TNIK: variants seen among roughly 807,000 people sequenced by gnomAD.
TNIK encodes the protein TRAF2 and NCK interacting kinase.
A neutral mutation model predicts 191.3 loss-of-function variants in TNIK; 49 were observed. The ratio of observed to expected loss-of-function variants is 0.26; its 90% CI spans 0.20 to 0.32. TNIK has a LOEUF of 0.32. Ranked by LOEUF, TNIK falls within the 10% of genes least tolerant of loss-of-function variation. The pLI, the probability that TNIK is intolerant of heterozygous loss-of-function variation, is 1.00. For missense variants in TNIK, 1,155 were observed against 1,702.3 expected, an observed-to-expected ratio of 0.68 and a Z score of 5.66; for synonymous variants, 594 against 600.9, an observed-to-expected ratio of 0.99 and a Z score of 0.17.
chr3:171,428,596 T>C (rs7630452), intron 1 of TNIK, among the ~76,000 whole-genome samples: 92,264 of 147,792 alleles, frequency 0.62, 30,315 homozygotes, highest in African/African-American at 0.77. Context: ...GTCTTCACTT[T>C]CTCAAGGGCT....
chr3:171,299,069 G>T (rs1161980996), intron 2 of TNIK, among the ~76,000 whole-genome samples: 1 of 152,128 alleles, frequency 6.6e-6, no homozygotes. Context: ...AGCCTTGTGG[G>T]GAGCTCCTGT....
intron 2 of TNIK, among the ~76,000 whole-genome samples, chr3:171,306,999 T>C (rs1753521519): frequency 6.6e-6 from 1 of 152,120 alleles, no homozygotes; most frequent in South Asian, 2.1e-4. Flanking sequence ...TTAGGGAGGC[T>C]TGTCTACTGT....
chr3:171,322,448 A>C (rs1236319185), intron 2 of TNIK, among the ~76,000 whole-genome samples: 1 of 152,204 alleles, frequency 6.6e-6, no homozygotes, highest in Non-Finnish European at 1.5e-5. Context: ...CACTGTTAAC[A>C]TTTAGTAAAT....
At chr3:171,232,951 T>C (rs73171549) in intron 2 of TNIK, among the ~76,000 whole-genome samples, 1,594 of 152,332 alleles carry the variant, frequency 0.01, 16 homozygotes, top group Middle Eastern at 0.02. Flanking sequence ...TTTGTTATTG[T>C]TGTTATTTTC....
intron 16 of TNIK, 51 bp from the exon 17 acceptor site, chr3:171,126,202 C>T: frequency 1.4e-6 from 2 of 1,472,212 alleles, no homozygotes; most frequent in East Asian, 2.4e-5. Flanking sequence ...AAAAAGAGAT[C>T]AGCCAGTACC....
At chr3:171,384,568 CAT>C (rs1203048949) in intron 1 of TNIK, among the ~76,000 whole-genome samples, 2 of 152,162 alleles carry the variant, frequency 1.3e-5, no homozygotes, top group Admixed American at 1.3e-4. Context: ...TGAGGGGAAA[CAT>C]AGAAAACATC....
At chr3:171,190,433 C>T (rs992133933) in intron 6 of TNIK, among the ~76,000 whole-genome samples, 3 of 152,094 alleles carry the variant, frequency 2.0e-5, no homozygotes, top group African/African-American at 7.2e-5. Context: ...TTTGTCACTT[C>T]TAATCTCTGC....
intron 2 of TNIK, among the ~76,000 whole-genome samples, chr3:171,334,290 C>T (rs1378992364): frequency 1.3e-5 from 2 of 152,244 alleles, no homozygotes; most frequent in Non-Finnish European, 2.9e-5. Context: ...TGTTCACACA[C>T]ACATACACAA....
intron 15 of TNIK, among the ~76,000 whole-genome samples, chr3:171,135,830 T>C (rs2108612049): frequency 6.6e-6 from 1 of 152,226 alleles, no homozygotes; most frequent in South Asian, 2.1e-4. Flanking sequence ...CCAGGAAGCA[T>C]GAGGGAATTA....
At chr3:171,345,734 T>C (rs1371100284) in intron 2 of TNIK, among the ~76,000 whole-genome samples, 7 of 152,184 alleles carry the variant, frequency 4.6e-5, no homozygotes, top group Admixed American at 4.6e-4. Context: ...CCCTTCCTTA[T>C]TCCTTAGTTG....
At chr3:171,312,747 T>C (rs899479580) in intron 2 of TNIK, among the ~76,000 whole-genome samples, 1 of 152,196 alleles carries the variant, frequency 6.6e-6, no homozygotes, top group Non-Finnish European at 1.5e-5. Flanking sequence ...AATGTCACGA[T>C]GTCCAGTTTA....
At chr3:171,116,906 G>A (rs1237212565) in intron 18 of TNIK, among the ~76,000 whole-genome samples, 1 of 152,212 alleles carries the variant, frequency 6.6e-6, no homozygotes, top group Non-Finnish European at 1.5e-5. Context: ...CATAGCAGGT[G>A]AGAATTGCCT....
At chr3:171,071,479 T>C (rs1175909105) in intron 28 of TNIK, 156 bp from the exon 29 acceptor site, 3 of 642,252 alleles carry the variant, frequency 4.7e-6, no homozygotes, top group East Asian at 2.8e-5. Flanking sequence ...GATTTTTTCA[T>C]AGATACTGAT....
At chr3:171,368,037 C>G (rs1715985491) in intron 2 of TNIK, among the ~76,000 whole-genome samples, 1 of 152,038 alleles carries the variant, frequency 6.6e-6, no homozygotes, top group South Asian at 2.1e-4. Context: ...GATCTGAGAC[C>G]TCTTGCCATT....
intron 2 of TNIK, among the ~76,000 whole-genome samples, chr3:171,256,519 A>G (rs1183183325): frequency 6.6e-6 from 1 of 152,168 alleles, no homozygotes; most frequent in Non-Finnish European, 1.5e-5. Context: ...CCACAGATAC[A>G]AAGGACAGAG....
At chr3:171,406,534 A>C (rs1440222261) in intron 1 of TNIK, among the ~76,000 whole-genome samples, 1 of 152,164 alleles carries the variant, frequency 6.6e-6, no homozygotes, top group African/African-American at 2.4e-5. Flanking sequence ...GGCTCAAGCC[A>C]TCCTCCTGCC....
chr3:171,334,539 C>T (rs1437332811), intron 2 of TNIK, among the ~76,000 whole-genome samples: 2 of 152,216 alleles, frequency 1.3e-5, no homozygotes, highest in Non-Finnish European at 1.5e-5. Context: ...TCTCAAAAAC[C>T]TGGCACTCAG....
chr3:171,183,663 T>C (rs552869096), intron 7 of TNIK, among the ~76,000 whole-genome samples: 62 of 152,132 alleles, frequency 4.1e-4, no homozygotes, highest in Middle Eastern at 3.4e-3. Flanking sequence ...TGGCTCACGC[T>C]TGTAATCCCA....
intron 12 of TNIK, among the ~76,000 whole-genome samples, chr3:171,141,329 C>T (rs1730809867): frequency 1.3e-5 from 2 of 152,172 alleles, no homozygotes; most frequent in Non-Finnish European, 2.9e-5. Context: ...AGGTCACACC[C>T]AGTAAATGGC....
Sources: gnomAD v4.1 joint callset for allele counts (sites outside exome capture counted in the v4.1 genomes callset) on GRCh38, gnomAD v4.1.1 for gene constraint, MANE v1.5 for transcripts, NCBI Gene and HGNC (gene_info 2026-07-23, HGNC 2026-07-21) for gene names.